CADM2: variants seen among roughly 807,000 people sequenced by gnomAD.
CADM2 encodes immunoglobulin superfamily member 4D.
Under a neutral mutation model 49.8 loss-of-function variants are expected in CADM2, and 12 were observed. That is an observed-to-expected ratio of 0.24 (90% confidence interval 0.15 to 0.39). CADM2 has a LOEUF of 0.39. Ranked by LOEUF, CADM2 falls within the 10% of genes least tolerant of loss-of-function variation. CADM2 has a pLI of 1.00. For synonymous variants in CADM2, 214 were observed against 175.4 expected (o/e 1.22, Z -1.74); for missense variants, 378 against 492.3 (o/e 0.77, Z 2.20).
At chr3:84,977,929 T>C (rs962750159) in intron 1 of CADM2, among the ~76,000 whole-genome samples, 4 of 152,092 alleles carry the variant, frequency 2.6e-5, no homozygotes, top group Admixed American at 2.0e-4. Flanking sequence ...CCTGACATTC[T>C]GGGGGAACCG....
chr3:85,228,169 C>T (rs941129958), intron 1 of CADM2, among the ~76,000 whole-genome samples: 5 of 152,008 alleles, frequency 3.3e-5, no homozygotes, highest in Admixed American at 3.3e-4. Flanking sequence ...GAATGTTGGC[C>T]TGCCTTGCTA....
chr3:85,894,560 G>C (rs1714955737), intron 5 of CADM2, among the ~76,000 whole-genome samples: 1 of 152,060 alleles, frequency 6.6e-6, no homozygotes, highest in African/African-American at 2.4e-5. Flanking sequence ...AAGTAATTAG[G>C]AGCCAAATGT....
chr3:85,443,721 C>A (rs1447334909), intron 1 of CADM2, among the ~76,000 whole-genome samples: 1 of 152,020 alleles, frequency 6.6e-6, no homozygotes, highest in African/African-American at 2.4e-5. Flanking sequence ...CTCTTTGCTC[C>A]TTCCCTTCTC....
Position 86,015,582 on chromosome 3 carries a change from G to A in CADM2, c.971-50023G>A, listed in dbSNP as rs1276458412. On this transcript the variant is annotated intron_variant, in intron 8 of 9. Transcript: ENST00000383699. Reference sequence around the variant, plus strand: ...AAAAATCTCTCCTGGACAGTTACAAGAAATTACCGGAGAAAAGCTTGTGAG... The same window carrying A: ...AAAAATCTCTCCTGGACAGTTACAAAAAATTACCGGAGAAAAGCTTGTGAG... Among the ~76,000 whole-genome samples the A allele has an allele frequency of 2.6e-5, 4 of 152,182 alleles. No individual in the cohort carries two copies. The South Asian group carries it at 8.3e-4, about 31-fold the overall frequency.
intron 1 of CADM2, among the ~76,000 whole-genome samples, chr3:85,372,543 T>C (rs946628039): frequency 6.6e-5 from 10 of 152,006 alleles, no homozygotes; most frequent in African/African-American, 2.4e-4. Flanking sequence ...AGAAACAATT[T>C]TAACTAGGTA....
At chr3:85,610,627 TAGTA>T (rs1188786052) in intron 1 of CADM2, among the ~76,000 whole-genome samples, 1 of 151,974 alleles carries the variant, frequency 6.6e-6, no homozygotes, top group Non-Finnish European at 1.5e-5. Context: ...CAAACACAGA[TAGTA>T]AGAAGTATAA....
chr3:85,525,187 C>G (rs961455848), intron 1 of CADM2, among the ~76,000 whole-genome samples: 3 of 152,172 alleles, frequency 2.0e-5, no homozygotes, highest in African/African-American at 4.8e-5. Flanking sequence ...TAAAGTTTTA[C>G]ATATTAAAAT....
At chr3:85,086,361 C>G (rs945933092) in intron 1 of CADM2, among the ~76,000 whole-genome samples, 2 of 151,676 alleles carry the variant, frequency 1.3e-5, no homozygotes, top group African/African-American at 4.8e-5. Flanking sequence ...GATTCCATGC[C>G]TCTCCCTGTC....
At chr3:85,121,761 A>G (rs1274138906) in intron 1 of CADM2, among the ~76,000 whole-genome samples, 1 of 152,092 alleles carries the variant, frequency 6.6e-6, no homozygotes, top group Non-Finnish European at 1.5e-5. Flanking sequence ...CACTTCCCTA[A>G]CTACAGTAGT....
chr3:85,008,356 T>G (rs1026472438), intron 1 of CADM2, among the ~76,000 whole-genome samples: 2 of 152,174 alleles, frequency 1.3e-5, no homozygotes, highest in African/African-American at 2.4e-5. Context: ...GTGGTCTCAT[T>G]TGATGGTAAT....
chr3:85,156,230 G>A (rs1315040423), intron 1 of CADM2, among the ~76,000 whole-genome samples: 1 of 151,734 alleles, frequency 6.6e-6, no homozygotes, highest in Non-Finnish European at 1.5e-5. Flanking sequence ...CCACTAGCAA[G>A]ACTAATAAAG....
chr3:85,924,223 A>T (rs1228939074), intron 6 of CADM2, among the ~76,000 whole-genome samples: 2 of 152,202 alleles, frequency 1.3e-5, no homozygotes, highest in Non-Finnish European at 2.9e-5. Context: ...ACAAATTATG[A>T]AATATCATTA....
At chr3:85,614,894 G>A (rs2107464800) in intron 1 of CADM2, among the ~76,000 whole-genome samples, 1 of 151,880 alleles carries the variant, frequency 6.6e-6, no homozygotes, top group South Asian at 2.1e-4. Context: ...TTTATTTCTA[G>A]GTGAACTTAG....
chr3:85,956,103 T>C (rs896606979), intron 7 of CADM2, among the ~76,000 whole-genome samples: 1 of 151,676 alleles, frequency 6.6e-6, no homozygotes, highest in African/African-American at 2.4e-5. Context: ...GGACTAAGTG[T>C]TCTCATGTAA....
intron 1 of CADM2, among the ~76,000 whole-genome samples, chr3:85,062,187 A>T (rs2036355773): frequency 6.6e-6 from 1 of 152,044 alleles, no homozygotes. Context: ...TTGCTATAGT[A>T]ATAAATTTCT....
intron 2 of CADM2, among the ~76,000 whole-genome samples, chr3:85,770,784 G>T (rs190869490): frequency 1.3e-5 from 2 of 152,092 alleles, no homozygotes; most frequent in South Asian, 4.1e-4. Context: ...TTCCTTTCTC[G>T]TTCATGCACC....
intron 1 of CADM2, among the ~76,000 whole-genome samples, chr3:85,180,473 C>T (rs977748837): frequency 7.4e-6 from 1 of 134,286 alleles, no homozygotes; most frequent in Non-Finnish European, 1.5e-5. Context: ...AGCGCCACTG[C>T]ACTGCAGCCT....
At chr3:85,998,824 G>T (rs767112468) in intron 8 of CADM2, among the ~76,000 whole-genome samples, 2 of 152,050 alleles carry the variant, frequency 1.3e-5, no homozygotes, top group African/African-American at 2.4e-5. Context: ...AAAGACAGTG[G>T]CCAAAGGCAT....
intron 3 of CADM2, among the ~76,000 whole-genome samples, chr3:85,857,266 G>A (rs1009167498): frequency 3.2e-4 from 48 of 152,084 alleles, no homozygotes; most frequent in Non-Finnish European, 5.4e-4. Flanking sequence ...TGGACAGAAT[G>A]AAACATTCAG....
Sources: gnomAD v4.1 joint callset for allele counts (sites outside exome capture counted in the v4.1 genomes callset) on GRCh38, gnomAD v4.1.1 for gene constraint, MANE v1.5 for transcripts, NCBI Gene and HGNC (gene_info 2026-07-23, HGNC 2026-07-21) for gene names.